Variants in DOP1B observed in about 807,000 individuals in gnomAD.
The protein encoded by DOP1B is protein DOP1B.
DOP1B carries 174 observed loss-of-function variants against 233.5 expected under a neutral mutation model. That is an observed-to-expected ratio of 0.75 (90% CI 0.66 to 0.85). The LOEUF (loss-of-function observed/expected upper bound fraction) is 0.85. DOP1B is among the 40% of genes least tolerant of loss of function. The probability of loss-of-function intolerance (pLI) is 0.00; values close to 1 mark genes in which losing one functional copy is unlikely to be tolerated. For missense variants in DOP1B, 2,652 were observed against 2,846.6 expected (o/e 0.93, Z 1.56); for synonymous variants, 1,190 against 1,185.6 (o/e 1.00, Z -0.08).
At chr21:36,211,718 C>T in intron 6 of DOP1B, 67 bp downstream of exon 6, 1 of 1,527,484 alleles carries the variant, frequency 6.5e-7, no homozygotes, top group South Asian at 1.1e-5. Flanking sequence ...AGATCTCAAG[C>T]AGTTCTGTCG....
intron 2 of DOP1B, among the ~76,000 whole-genome samples, chr21:36,165,177 T>A (rs2065897675): frequency 6.6e-6 from 1 of 152,186 alleles, no homozygotes; most frequent in Non-Finnish European, 1.5e-5. Flanking sequence ...ATATATATAG[T>A]GTTCGTATAG....
chr21:36,200,636 G>A, intron 4 of DOP1B, 135 bp downstream of exon 4: 1 of 1,093,512 alleles, frequency 9.1e-7, no homozygotes, highest in East Asian at 2.9e-5. Flanking sequence ...AAGGTCAGGA[G>A]ATGGAGACCA....
At chr21:36,277,917 C>A in intron 28 of DOP1B, 58 bp from the exon 29 acceptor site, 1 of 1,384,514 alleles carries the variant, frequency 7.2e-7, no homozygotes, top group Non-Finnish European at 1.0e-6. Flanking sequence ...GCTGGGATTA[C>A]AGGTGTGAGC....
At chr21:36,243,644 A>G (rs1601442541) in intron 18 of DOP1B, among the ~76,000 whole-genome samples, 1 of 150,600 alleles carries the variant, frequency 6.6e-6, no homozygotes, top group Middle Eastern at 3.4e-3. Context: ...GGCTCATTCT[A>G]CATAATACTC....
chr21:36,269,389 A>C lies in DOP1B; in HGVS notation c.5488-624A>C, dbSNP rs147879118. The stretch of plus-strand genomic sequence containing the variant: ...AGGCTGGTCTCAAACGCCTGACCTC[A>C]GGTGATCCGCCCGCCTCAGCCTCCC... On this transcript the variant is annotated intron_variant, in intron 26 of 36. Coordinates refer to ENST00000691173, the MANE Select transcript of DOP1B (RefSeq NM_001320714.2). Among the ~76,000 whole-genome samples, 1,249 of 151,496 alleles carry C rather than the reference A, an allele frequency of 8.2e-3. 12 individuals carry two copies. The highest frequency in any genetic ancestry group is 0.029 in the African/African-American group (1,185 of 41,308).
At chr21:36,271,746 A>G (rs916799512) in intron 27 of DOP1B, among the ~76,000 whole-genome samples, 1 of 152,016 alleles carries the variant, frequency 6.6e-6, no homozygotes, top group Non-Finnish European at 1.5e-5. Context: ...TAACACCCCA[A>G]GACCATTTAC....
Position 36,208,741 on chromosome 21 carries a change from C to T in DOP1B, c.518C>T (p.Ser173Leu), listed in dbSNP as rs1357546985. The change falls in exon 5 of 37, where the codon TCG becomes TTG. Residue 173 changes from serine to leucine, a missense_variant. This residue lies in a region of DOP1B where 2,617 missense variants were observed against 2,794.3 expected (regional missense o/e 0.94). Coordinates refer to ENST00000691173, the MANE Select transcript of DOP1B (RefSeq NM_001320714.2). ...DRTDALLLRL[S>L]LVVGKEVFYT... is the part of the protein sequence containing the mutation. ...ACGGATGCTCTGCTCCTGAGACTGTCGCTGGTGGTTGGCAAAGAGGTGTTT... is the reference window on the plus strand; with the variant it reads ...ACGGATGCTCTGCTCCTGAGACTGTTGCTGGTGGTTGGCAAAGAGGTGTTT... 1.1e-5 allele frequency: 17 copies of T among 1,613,636 alleles called. No individual in the cohort carries two copies. The highest frequency in any genetic ancestry group is 8.8e-5 in the South Asian group (8 of 91,036).
chr21:36,189,098 G>A (rs965004206), intron 2 of DOP1B, among the ~76,000 whole-genome samples: 14 of 152,082 alleles, frequency 9.2e-5, no homozygotes, highest in Admixed American at 3.9e-4. Flanking sequence ...AAATCATGCC[G>A]TGTCCTGGGG....
chr21:36,189,591 T>C (rs1458697692), intron 2 of DOP1B, among the ~76,000 whole-genome samples: 1 of 151,900 alleles, frequency 6.6e-6, no homozygotes, highest in Non-Finnish European at 1.5e-5. Flanking sequence ...ACGCCTGTAG[T>C]CCCAGCTACT....
intron 1 of DOP1B, among the ~76,000 whole-genome samples, chr21:36,164,094 A>T (rs1401426701): frequency 6.6e-6 from 1 of 152,188 alleles, no homozygotes; most frequent in Non-Finnish European, 1.5e-5. Flanking sequence ...GTTACCATGA[A>T]CAAAACCAGT....
chr21:36,174,565 C>G (rs979837417), intron 2 of DOP1B, among the ~76,000 whole-genome samples: 6 of 152,220 alleles, frequency 3.9e-5, no homozygotes, highest in African/African-American at 1.4e-4. Flanking sequence ...AGTGCAATGG[C>G]ATGATCTCAG....
At chr21:36,276,560 G>A (rs757725947) in intron 27 of DOP1B, among the ~76,000 whole-genome samples, 2 of 151,744 alleles carry the variant, frequency 1.3e-5, no homozygotes, top group Non-Finnish European at 2.9e-5. Flanking sequence ...TTGAATGATG[G>A]CCAGGCACGG....
chr21:36,260,332 A>G (rs1340533870), intron 23 of DOP1B, among the ~76,000 whole-genome samples: 1 of 152,148 alleles, frequency 6.6e-6, no homozygotes, highest in Non-Finnish European at 1.5e-5. Context: ...TGGTAATCAT[A>G]TGCATTCACT....
rs1313757148 is a variant in DOP1B, at chr21:36,253,768, G to A, written c.5122-4G>A. The A allele has an allele frequency of 6.3e-7, 1 of 1,594,226 alleles. No individual in the cohort carries two copies. On this transcript the variant is annotated splice_region_variant and splice_polypyrimidine_tract_variant and intron_variant, in intron 22 of 36. Transcript: ENST00000691173. ...TTTCAAGGAACTTTTTTTTTTCTTGGCAGATTATCCCAACGGCAAGTGCAT... is the reference window on the plus strand; with the variant it reads ...TTTCAAGGAACTTTTTTTTTTCTTGACAGATTATCCCAACGGCAAGTGCAT...
Position 36,230,938 on chromosome 21 carries a change from G to T in DOP1B, c.2154G>T (p.Ser718=), listed in dbSNP as rs149884731. 1.9e-6 allele frequency: 3 copies of T among 1,613,996 alleles called. No homozygotes were observed. The highest frequency in any genetic ancestry group is 2.5e-6 in the Non-Finnish European group (3 of 1,180,016). The change falls in exon 14 of 37, where the codon TCG becomes TCT. Residue 718 remains serine (S), a synonymous_variant. Transcript: ENST00000691173. ...AAAGTTCAGAGTCACCATCGTCTTC[G>T]CCCAGCAGCCCTGCCAGGAAAAACG... is the stretch of plus-strand genomic sequence containing the variant. ...KTKSSESPSS[S]PSSPARKNGG... is the part of the protein sequence containing the mutation.
intron 12 of DOP1B, among the ~76,000 whole-genome samples, chr21:36,227,069 G>A (rs1601426735): frequency 6.6e-6 from 1 of 151,584 alleles, no homozygotes; most frequent in South Asian, 2.1e-4. Flanking sequence ...TTAGCCGGGT[G>A]TGGTGGCGGG....
chr21:36,189,323 C>T (rs1032604211), intron 2 of DOP1B, among the ~76,000 whole-genome samples: 2 of 152,174 alleles, frequency 1.3e-5, no homozygotes, highest in Non-Finnish European at 2.9e-5. Context: ...CAATTATGTC[C>T]TAATTATAGC....
At chr21:36,205,137 C>T (rs1309499972) in intron 4 of DOP1B, among the ~76,000 whole-genome samples, 1 of 152,206 alleles carries the variant, frequency 6.6e-6, no homozygotes, top group African/African-American at 2.4e-5. Context: ...CTTGTGACAG[C>T]TTGGCTTTCC....
intron 22 of DOP1B, 119 bp from the exon 23 acceptor site, chr21:36,253,651 AAG>A (rs2067056947): frequency 1.7e-6 from 2 of 1,186,598 alleles, no homozygotes; most frequent in African/African-American, 1.5e-5. Flanking sequence ...AAAAAAAAAA[AAG>A]AGATGAAAAC....
Sources: allele counts gnomAD v4.1 joint callset (sites outside exome capture counted in the v4.1 genomes callset), GRCh38; gene constraint gnomAD v4.1.1; regional missense constraint gnomAD v4.1.1; transcripts MANE v1.5; gene names NCBI Gene and HGNC (gene_info 2026-07-23, HGNC 2026-07-21).